COL14A1: variants seen among roughly 807,000 people sequenced by gnomAD.
COL14A1 encodes the protein collagen alpha-1(XIV) chain.
COL14A1 carries 136 observed loss-of-function variants against 230.3 expected under a neutral mutation model. The observed-to-expected ratio is 0.59, with a 90% CI of 0.51 to 0.68. The LOEUF (loss-of-function observed/expected upper bound fraction) is 0.68. COL14A1 is among the 30% of genes least tolerant of loss of function. The pLI, the probability that COL14A1 is intolerant of heterozygous loss-of-function variation, is 0.00. For synonymous variants in COL14A1, 792 were observed against 784.1 expected (o/e 1.01, Z -0.17); for missense variants, 1,976 against 2,215.8 (o/e 0.89, Z 2.17).
intron 25 of COL14A1, 51 bp downstream of exon 25, chr8:120,266,934 G>A (rs1368013046): frequency 6.7e-7 from 1 of 1,483,938 alleles, no homozygotes; most frequent in South Asian, 1.1e-5. Flanking sequence ...GATTTGTGTT[G>A]GTTTTGTTTG....
At chr8:120,244,146 C>T in intron 20 of COL14A1, 138 bp downstream of exon 20, 1 of 983,566 alleles carries the variant, frequency 1.0e-6, no homozygotes, top group Non-Finnish European at 1.4e-6. Flanking sequence ...CTGTCTGCAT[C>T]CTGTCTTTAC....
At position 120,226,624 on chromosome 8, in the gene COL14A1, C is replaced by T; in HGVS notation, c.1865-3C>T. 1 of 1,612,014 alleles carries T rather than the reference C, an allele frequency of 6.2e-7. No individual in the cohort carries two copies. Among genetic ancestry groups the T allele is most frequent in the South Asian group, 1.1e-5 (1 of 90,590 alleles). On this transcript the variant is annotated splice_region_variant and splice_polypyrimidine_tract_variant and intron_variant, in intron 15 of 47. Transcript: ENST00000297848. ...TAACAAAACCTCCTTCCTCGGTTTACAGAGGAAGTTCCAGCCCAGCAATAC... is the reference window on the plus strand; with the variant it reads ...TAACAAAACCTCCTTCCTCGGTTTATAGAGGAAGTTCCAGCCCAGCAATAC...
chr8:120,294,997 T>C (rs895958503), intron 34 of COL14A1, among the ~76,000 whole-genome samples: 1 of 151,840 alleles, frequency 6.6e-6, no homozygotes, highest in Admixed American at 6.6e-5. Flanking sequence ...TAGACTGTTA[T>C]AGGTGGTTAG....
At chr8:120,183,185 ATGT>A (rs1211338757) in intron 5 of COL14A1, among the ~76,000 whole-genome samples, 4 of 152,120 alleles carry the variant, frequency 2.6e-5, no homozygotes, top group East Asian at 1.9e-4. Flanking sequence ...AGTTTCTGAG[ATGT>A]TGTTGGGAGA....
intron 19 of COL14A1, among the ~76,000 whole-genome samples, chr8:120,237,801 G>A (rs746561685): frequency 2.6e-5 from 4 of 152,094 alleles, no homozygotes; most frequent in Non-Finnish European, 5.9e-5. Context: ...GGTTTGAGTG[G>A]TCGTCCTTTT....
intron 37 of COL14A1, 145 bp from the exon 38 acceptor site, chr8:120,313,787 C>G: frequency 1.9e-6 from 1 of 531,116 alleles, no homozygotes; most frequent in East Asian, 3.1e-5. Flanking sequence ...TCATTTGAGG[C>G]TTGATGTCTT....
chr8:120,165,753 A>C (rs1815846004), intron 4 of COL14A1, among the ~76,000 whole-genome samples: 1 of 152,136 alleles, frequency 6.6e-6, no homozygotes, highest in Non-Finnish European at 1.5e-5. Context: ...TATGGAGGGC[A>C]CCTCTTCAAC....
chr8:120,322,035 G>A (rs1045463270), intron 40 of COL14A1, among the ~76,000 whole-genome samples: 2 of 151,898 alleles, frequency 1.3e-5, no homozygotes, highest in Admixed American at 6.6e-5. Context: ...ATTCACTGAA[G>A]TCATCACTGC....
chr8:120,139,260 A>G (rs1814816162), intron 1 of COL14A1, among the ~76,000 whole-genome samples: 1 of 152,208 alleles, frequency 6.6e-6, no homozygotes, highest in Non-Finnish European at 1.5e-5. Flanking sequence ...ATATGCTTAA[A>G]TATCACCATT....
chr8:120,276,508 T>C lies in COL14A1; in HGVS notation c.3214-1603T>C, dbSNP rs947825732. ...ATACCCTTGTACTCCAAAAGTATTG[T>C]AAATAAAAATAGGTTCCCCACCCTG... On this transcript the variant is annotated intron_variant, in intron 26 of 47. Transcript: ENST00000297848. 2.6e-5 allele frequency among the ~76,000 whole-genome samples: 4 copies of C among 151,304 alleles called. No homozygotes were observed. The Admixed American group carries it at 2.7e-4, about 10-fold the overall frequency.
At chr8:120,282,303 A>T (rs1820062364) in intron 31 of COL14A1, among the ~76,000 whole-genome samples, 1 of 152,204 alleles carries the variant, frequency 6.6e-6, no homozygotes, top group African/African-American at 2.4e-5. Flanking sequence ...TCCACATTGA[A>T]GGCAGATCTG....
intron 26 of COL14A1, among the ~76,000 whole-genome samples, chr8:120,276,703 G>A (rs1819862504): frequency 6.6e-6 from 1 of 151,718 alleles, no homozygotes; most frequent in Non-Finnish European, 1.5e-5. Flanking sequence ...GGGTAAGGGG[G>A]AGGGATAGCA....
intron 45 of COL14A1, among the ~76,000 whole-genome samples, chr8:120,350,913 C>T (rs1209294167): frequency 2.7e-5 from 4 of 150,854 alleles, no homozygotes; most frequent in Non-Finnish European, 6.0e-5. Context: ...GAACTCTCCA[C>T]CCCAAATCAA....
In COL14A1 at chr8:120,371,592, G is replaced by A. The variant is rs1812159901; in HGVS notation, c.*361G>A. The A allele has an allele frequency of 2.5e-6, 1 of 398,372 alleles. No individual in the cohort carries two copies. Among genetic ancestry groups the A allele is most frequent in the Non-Finnish European group, 4.4e-6 (1 of 225,844 alleles). The allele number at this position is 398,372 out of a possible 1,614,324, so 24.7% of individuals were successfully genotyped here. A position where few individuals can be genotyped will look rare whatever the true frequency, so the allele number is the denominator to read the frequency against. On this transcript the variant is annotated 3_prime_UTR_variant, in exon 48 of 48. Coordinates refer to ENST00000297848, the MANE Select transcript of COL14A1 (RefSeq NM_021110.4). The stretch of plus-strand genomic sequence containing the variant: ...ACAAACAGATATGATTGTGTTTGAG[G>A]GAAATATGTCCCTAGCAGGAAAAGA...
rs796825983 is a variant in COL14A1, at chr8:120,315,396, G to GTA, written c.4552-125_4552-124dup. On this transcript the variant is annotated intron_variant, in intron 38 of 47. Transcript: ENST00000297848. Reference sequence around the variant, plus strand: ...AAAAAAAAAAAAAAAAAAAAAAAGTGTATATATATATATTCTGTTTAGATG... The same window carrying GTA: ...AAAAAAAAAAAAAAAAAAAAAAAGTGTATATATATATATATTCTGTTTAGATG... The GTA allele has an allele frequency of 3.3e-3, 1,108 of 332,548 alleles. 1 individual carries two copies. The highest frequency in any genetic ancestry group is 0.01 in the South Asian group (125 of 11,978). The allele number at this position is 332,548 out of a possible 1,614,324, so 20.6% of individuals were successfully genotyped here.
chr8:120,283,501 G>C, intron 31 of COL14A1, 135 bp from the exon 32 acceptor site: 1 of 804,470 alleles, frequency 1.2e-6, no homozygotes, highest in Non-Finnish European at 2.0e-6. Flanking sequence ...GATCAACAGT[G>C]ATCTAGTTGG....
intron 37 of COL14A1, among the ~76,000 whole-genome samples, chr8:120,312,071 TG>T (rs1302618620): frequency 6.6e-6 from 1 of 152,104 alleles, no homozygotes; most frequent in Non-Finnish European, 1.5e-5. Context: ...CACTCCAGCC[TG>T]GGCAAGACAG....
At chr8:120,146,523 TTG>T (rs2130459208) in intron 1 of COL14A1, among the ~76,000 whole-genome samples, 1 of 152,282 alleles carries the variant, frequency 6.6e-6, no homozygotes, top group African/African-American at 2.4e-5. Flanking sequence ...CATTACTTTA[TTG>T]TTTTATCACC....
intron 40 of COL14A1, among the ~76,000 whole-genome samples, chr8:120,321,907 C>T (rs1821463193): frequency 6.6e-6 from 1 of 151,970 alleles, no homozygotes. Context: ...TTTTTAAAAG[C>T]TTAATGATTC....
Sources: gnomAD v4.1 joint callset for allele counts (sites outside exome capture counted in the v4.1 genomes callset) on GRCh38, gnomAD v4.1.1 for gene constraint, MANE v1.5 for transcripts, NCBI Gene and HGNC (gene_info 2026-07-23, HGNC 2026-07-21) for gene names.